Variants in UBTD1 observed in about 807,000 individuals in gnomAD.
UBTD1 encodes the protein ubiquitin domain-containing protein 1.
UBTD1 carries 19 observed loss-of-function variants against 21.7 expected under a neutral mutation model. The observed-to-expected ratio is 0.87, with a 90% CI of 0.61 to 1.28. The LOEUF is 1.28. Among genes scored for constraint, UBTD1 ranks in the 50% most tolerant of loss-of-function variants. The pLI, the probability that UBTD1 is intolerant of heterozygous loss-of-function variation, is 0.00. For synonymous variants in UBTD1, 116 were observed against 135.1 expected, an observed-to-expected ratio of 0.86 and a Z score of 0.98; for missense variants, 282 against 315.1, an observed-to-expected ratio of 0.89 and a Z score of 0.80.
intron 1 of UBTD1, among the ~76,000 whole-genome samples, chr10:97,554,459 C>T (rs2040654836): frequency 6.6e-6 from 1 of 151,998 alleles, no homozygotes; most frequent in Non-Finnish European, 1.5e-5. Context: ...GTTGACCAGG[C>T]TGGTCTCGAA....
chr10:97,529,091 C>T (rs1047186961), intron 1 of UBTD1, among the ~76,000 whole-genome samples: 1 of 147,808 alleles, frequency 6.8e-6, no homozygotes. Flanking sequence ...CAGACAGGGT[C>T]GCGGCCGGCC....
chr10:97,528,340 T>G (rs1364279188), intron 1 of UBTD1, among the ~76,000 whole-genome samples: 5 of 111,972 alleles, frequency 4.5e-5, no homozygotes, highest in African/African-American at 1.1e-4. Context: ...GCGGCTCGCC[T>G]GGCGGGGGGC....
intron 1 of UBTD1, among the ~76,000 whole-genome samples, chr10:97,545,953 T>A (rs2040608914): frequency 6.6e-6 from 1 of 152,046 alleles, no homozygotes; most frequent in Non-Finnish European, 1.5e-5. Context: ...CCTGGCTAAT[T>A]TTTGTATTTT....
intron 1 of UBTD1, among the ~76,000 whole-genome samples, chr10:97,549,392 C>T (rs1346799726): frequency 2.0e-5 from 3 of 152,252 alleles, no homozygotes; most frequent in Non-Finnish European, 4.4e-5. Flanking sequence ...TGCCTCCCCT[C>T]TCCAGCTCCT....
chr10:97,533,195 G>A (rs2135671052), intron 1 of UBTD1, among the ~76,000 whole-genome samples: 1 of 151,368 alleles, frequency 6.6e-6, no homozygotes, highest in Non-Finnish European at 1.5e-5. Flanking sequence ...TCCACCAGCT[G>A]GGAGCTGAGC....
chr10:97,548,408 C>G (rs1423365365), intron 1 of UBTD1, among the ~76,000 whole-genome samples: 1 of 152,172 alleles, frequency 6.6e-6, no homozygotes, highest in Non-Finnish European at 1.5e-5. Flanking sequence ...AAGGGAAGTG[C>G]GGTAATTCCC....
chr10:97,509,739 C>T (rs1170433765), intron 1 of UBTD1, among the ~76,000 whole-genome samples: 2 of 152,104 alleles, frequency 1.3e-5, no homozygotes, highest in African/African-American at 4.8e-5. Context: ...CAACTTCCGC[C>T]TCCTGGATTC....
chr10:97,502,893 A>ATG (rs1446273149), intron 1 of UBTD1, among the ~76,000 whole-genome samples: 2 of 146,768 alleles, frequency 1.4e-5, no homozygotes, highest in Middle Eastern at 3.6e-3. Context: ...ATACGTATAT[A>ATG]TATGTGTGTA....
At chr10:97,521,644 C>T (rs1302429717) in intron 1 of UBTD1, among the ~76,000 whole-genome samples, 1 of 152,264 alleles carries the variant, frequency 6.6e-6, no homozygotes, top group Non-Finnish European at 1.5e-5. Context: ...GAGCAGCAGC[C>T]TCCAGACTAA....
intron 1 of UBTD1, among the ~76,000 whole-genome samples, chr10:97,540,911 C>T (rs554468772): frequency 6.6e-6 from 1 of 152,312 alleles, no homozygotes; most frequent in Admixed American, 6.5e-5. Context: ...GTAGGACTGG[C>T]CAATGGTGTC....
chr10:97,540,820 G>A (rs531594479), intron 1 of UBTD1, among the ~76,000 whole-genome samples: 2 of 152,352 alleles, frequency 1.3e-5, no homozygotes, highest in Non-Finnish European at 2.9e-5. Flanking sequence ...GCCTGGCATG[G>A]AGGCAGACGT....
chr10:97,529,305 T>C (rs1589873577), intron 1 of UBTD1, among the ~76,000 whole-genome samples: 2 of 136,678 alleles, frequency 1.5e-5, no homozygotes, highest in Non-Finnish European at 1.6e-5. Flanking sequence ...AAGGGGCTCC[T>C]CACATCCCAG....
At chr10:97,519,435 T>A (rs533744875) in intron 1 of UBTD1, among the ~76,000 whole-genome samples, 1 of 152,340 alleles carries the variant, frequency 6.6e-6, no homozygotes, top group East Asian at 1.9e-4. Context: ...TTCCCTTCTC[T>A]CCTGAGCATG....
rs2040745419 is a variant in UBTD1, at chr10:97,570,820, G to A, written c.*297G>A. On this transcript the variant is annotated 3_prime_UTR_variant, in exon 3 of 3. Transcript: ENST00000370664. This position sits in a 1 kb window ranked among gnomAD's most constrained non-coding sequence, Gnocchi z 6.6. Reference sequence around the variant, plus strand: ...AAGGGCCAACCAGGAGGCCCCTGGAGCCCAGATCTGTCATCTGGTGCTGCC... The same window carrying A: ...AAGGGCCAACCAGGAGGCCCCTGGAACCCAGATCTGTCATCTGGTGCTGCC... The A allele has an allele frequency of 2.5e-6, 1 of 393,196 alleles. No individual in the cohort carries two copies. Among genetic ancestry groups the A allele is most frequent in the Non-Finnish European group, 4.7e-6 (1 of 213,864 alleles). 24.4% of individuals were successfully genotyped at this position (393,196 alleles called of 1,614,324 possible). A position where few individuals can be genotyped will look rare whatever the true frequency, so the allele number is the denominator to read the frequency against.
intron 1 of UBTD1, among the ~76,000 whole-genome samples, chr10:97,562,413 T>G (rs1472596442): frequency 6.6e-6 from 1 of 152,176 alleles, no homozygotes; most frequent in Non-Finnish European, 1.5e-5. Flanking sequence ...CAAAGGGTGG[T>G]GGCATTATCG....
chr10:97,540,078 G>T (rs1237201099), intron 1 of UBTD1, among the ~76,000 whole-genome samples: 11 of 152,206 alleles, frequency 7.2e-5, no homozygotes, highest in Non-Finnish European at 1.6e-4. Context: ...GCACCACCAG[G>T]GTTGGGGTCA....
At chr10:97,568,568 T>A (rs2040729595) in intron 2 of UBTD1, among the ~76,000 whole-genome samples, 1 of 151,804 alleles carries the variant, frequency 6.6e-6, no homozygotes, top group Non-Finnish European at 1.5e-5. Context: ...ATTACAGGCA[T>A]GTGCCACCAT....
chr10:97,565,430 T>C (rs2040712465), intron 1 of UBTD1, among the ~76,000 whole-genome samples: 2 of 152,218 alleles, frequency 1.3e-5, no homozygotes. Context: ...GACATCTCCA[T>C]GATTTCTTTG....
At chr10:97,529,025 G>A (rs1339407068) in intron 1 of UBTD1, among the ~76,000 whole-genome samples, 6 of 151,164 alleles carry the variant, frequency 4.0e-5, no homozygotes, top group African/African-American at 1.2e-4. Flanking sequence ...GCAGCCGGGC[G>A]GAGGGTCTCC....
Sources: allele counts gnomAD v4.1 joint callset (sites outside exome capture counted in the v4.1 genomes callset), GRCh38; gene constraint gnomAD v4.1.1; non-coding constraint Gnocchi (gnomAD v3.1); transcripts MANE v1.5; gene names NCBI Gene and HGNC (gene_info 2026-07-23, HGNC 2026-07-21).